COL25A1: variants seen among roughly 807,000 people sequenced by gnomAD.
COL25A1 encodes collagen type XXV alpha 1 chain.
Under a neutral mutation model 128.4 loss-of-function variants are expected in COL25A1, and 103 were observed. The ratio of observed to expected loss-of-function variants is 0.80; its 90% CI spans 0.68 to 0.94. The LOEUF is 0.94. Among genes scored for constraint, COL25A1 ranks in the 40% least tolerant of loss-of-function variants. The pLI, the probability that COL25A1 is intolerant of heterozygous loss-of-function variation, is 0.00. For synonymous variants in COL25A1, 279 were observed against 277.2 expected (o/e 1.01, Z -0.06); for missense variants, 745 against 840.0 (o/e 0.89, Z 1.40).
intron 5 of COL25A1, among the ~76,000 whole-genome samples, chr4:109,021,101 C>G (rs1290313202): frequency 6.6e-6 from 1 of 152,218 alleles, no homozygotes; most frequent in Non-Finnish European, 1.5e-5. Context: ...AACCAATACT[C>G]TACTGTGTAC....
At chr4:108,880,025 T>C (rs1013682419) in intron 19 of COL25A1, among the ~76,000 whole-genome samples, 3 of 151,710 alleles carry the variant, frequency 2.0e-5, no homozygotes, top group African/African-American at 7.3e-5. Context: ...GTCAGGCTGG[T>C]CTCAAACTCC....
At chr4:109,076,036 C>T (rs1033941835) in intron 3 of COL25A1, among the ~76,000 whole-genome samples, 9 of 152,124 alleles carry the variant, frequency 5.9e-5, no homozygotes, top group Non-Finnish European at 8.8e-5. Flanking sequence ...CAATTATTTA[C>T]ATAGCACTTA....
chr4:109,251,999 A>G (rs577025148), intron 3 of COL25A1, among the ~76,000 whole-genome samples: 4 of 152,340 alleles, frequency 2.6e-5, no homozygotes, highest in African/African-American at 9.6e-5. Flanking sequence ...GGAACGTTGC[A>G]AGGCCAATGA....
intron 5 of COL25A1, among the ~76,000 whole-genome samples, chr4:109,028,951 C>T (rs1220658956): frequency 6.6e-6 from 1 of 151,986 alleles, no homozygotes; most frequent in Non-Finnish European, 1.5e-5. Flanking sequence ...GTAACCAGTG[C>T]CCTTAAGAAG....
At chr4:109,027,410 G>A (rs571025625) in intron 5 of COL25A1, among the ~76,000 whole-genome samples, 23 of 151,306 alleles carry the variant, frequency 1.5e-4, no homozygotes, top group Admixed American at 1.3e-3. Flanking sequence ...AAAGAGTAAG[G>A]AGGAAAGTTA....
chr4:109,117,461 T>C (rs529419556), intron 3 of COL25A1, among the ~76,000 whole-genome samples: 7 of 151,890 alleles, frequency 4.6e-5, no homozygotes, highest in Non-Finnish European at 1.0e-4. Context: ...AAACAAAAAT[T>C]GAGAGAATTT....
At chr4:109,083,671 C>A (rs916594386) in intron 3 of COL25A1, among the ~76,000 whole-genome samples, 1 of 151,778 alleles carries the variant, frequency 6.6e-6, no homozygotes, top group South Asian at 2.1e-4. Context: ...ACTATGTTAG[C>A]CAGGCTGGTC....
At chr4:108,981,971 A>G (rs1753017418) in intron 6 of COL25A1, among the ~76,000 whole-genome samples, 2 of 152,126 alleles carry the variant, frequency 1.3e-5, no homozygotes, top group African/African-American at 4.8e-5. Context: ...TGAGGCAGGC[A>G]GATCACAAGG....
intron 3 of COL25A1, among the ~76,000 whole-genome samples, chr4:109,190,125 AAAAT>A (rs1261378309): frequency 1.3e-5 from 2 of 152,194 alleles, no homozygotes; most frequent in Admixed American, 6.5e-5. Context: ...AAGCAGATGA[AAAAT>A]AAATGAGAGA....
intron 3 of COL25A1, among the ~76,000 whole-genome samples, chr4:109,113,601 C>A (rs1767245196): frequency 1.4e-5 from 2 of 148,002 alleles, no homozygotes; most frequent in Non-Finnish European, 3.0e-5. Context: ...ATATTTAAAA[C>A]TAAATAGCTG....
intron 3 of COL25A1, among the ~76,000 whole-genome samples, chr4:109,247,039 C>T (rs1780313028): frequency 6.6e-6 from 1 of 152,140 alleles, no homozygotes; most frequent in Admixed American, 6.5e-5. Context: ...TGTTCCAGAT[C>T]AGCTGGAACA....
intron 13 of COL25A1, among the ~76,000 whole-genome samples, chr4:108,910,941 T>C (rs1464742303): frequency 2.0e-5 from 3 of 152,198 alleles, no homozygotes; most frequent in East Asian, 1.9e-4. Context: ...CTAATCCCAC[T>C]GATGCTGTCT....
chr4:108,968,286 C>T (rs1751543075), intron 8 of COL25A1, among the ~76,000 whole-genome samples: 1 of 152,118 alleles, frequency 6.6e-6, no homozygotes, highest in South Asian at 2.1e-4. Flanking sequence ...AAATCATATG[C>T]CATCAACTGT....
chr4:109,080,860 G>A (rs112885213), intron 3 of COL25A1, among the ~76,000 whole-genome samples: 1 of 152,172 alleles, frequency 6.6e-6, no homozygotes, highest in Non-Finnish European at 1.5e-5. Flanking sequence ...CACTTCAGTT[G>A]TTGCAATCAA....
chr4:109,068,039 T>C (rs1762605087), intron 3 of COL25A1, among the ~76,000 whole-genome samples: 1 of 152,184 alleles, frequency 6.6e-6, no homozygotes, highest in Admixed American at 6.5e-5. Context: ...ACCAGAAGTC[T>C]ACTGGGGTGC....
chr4:108,895,800 G>A (rs12233902), intron 16 of COL25A1, among the ~76,000 whole-genome samples: 77,303 of 151,598 alleles, frequency 0.51, 21,765 homozygotes, highest in East Asian at 0.93. Flanking sequence ...GGCGAGTTCC[G>A]AGATTTTGGT....
intron 3 of COL25A1, among the ~76,000 whole-genome samples, chr4:109,297,281 T>C (rs1006789872): frequency 6.6e-6 from 1 of 152,082 alleles, no homozygotes; most frequent in Non-Finnish European, 1.5e-5. Flanking sequence ...GTTTTAAAAA[T>C]CTTAAAATAG....
intron 3 of COL25A1, among the ~76,000 whole-genome samples, chr4:109,197,253 G>A (rs1035617413): frequency 1.4e-5 from 2 of 147,924 alleles, no homozygotes; most frequent in African/African-American, 5.0e-5. Flanking sequence ...TTGAGCCCAG[G>A]AGGCCAAAGG....
chr4:108,935,935 C>G (rs1263008730), intron 11 of COL25A1, among the ~76,000 whole-genome samples: 1 of 151,956 alleles, frequency 6.6e-6, no homozygotes, highest in South Asian at 2.1e-4. Context: ...AAGCCAATGC[C>G]AGTGATAAAA....
Sources: allele counts gnomAD v4.1 joint callset (sites outside exome capture counted in the v4.1 genomes callset), GRCh38; gene constraint gnomAD v4.1.1; transcripts MANE v1.5; gene names NCBI Gene and HGNC (gene_info 2026-07-23, HGNC 2026-07-21).